MCF2: variants seen among roughly 807,000 people sequenced by gnomAD.
The protein encoded by MCF2 is proto-oncogene DBL.
In MCF2, 44 loss-of-function variants were observed where a neutral mutation model predicts 82.5. That is an observed-to-expected ratio of 0.53 (90% CI 0.42 to 0.69). The LOEUF is 0.69. Among genes scored for constraint, MCF2 ranks in the 30% least tolerant of loss-of-function variants. The probability of loss-of-function intolerance (pLI) is 0.00; values close to 1 mark genes in which losing one functional copy is unlikely to be tolerated. For synonymous variants in MCF2, 217 were observed against 224.9 expected (o/e 0.96, Z 0.32); for missense variants, 623 against 663.1 (o/e 0.94, Z 0.66).
chrX:139,697,395 C>T (rs1935404729), intron 1 of MCF2, among the ~76,000 whole-genome samples: 1 of 112,027 alleles, frequency 8.9e-6, no homozygotes, highest in African/African-American at 3.2e-5. Flanking sequence ...TATCCACCCA[C>T]TAGATTTTTC....
At chrX:139,594,773 A>G (rs1267780614) in intron 19 of MCF2, among the ~76,000 whole-genome samples, 1 of 110,044 alleles carries the variant, frequency 9.1e-6, no homozygotes, top group Non-Finnish European at 1.9e-5. Flanking sequence ...AGAAACTACC[A>G]TCAGAGTGAA....
chrX:139,591,895 G>T (rs1464365548), intron 19 of MCF2, among the ~76,000 whole-genome samples: 1 of 107,874 alleles, frequency 9.3e-6, no homozygotes, highest in Non-Finnish European at 1.9e-5. Context: ...TAAAATAAAA[G>T]TTAAAAAAAA....
chrX:139,678,000 T>C (rs889006942), intron 1 of MCF2, among the ~76,000 whole-genome samples: 6 of 110,851 alleles, frequency 5.4e-5, no homozygotes, highest in Non-Finnish European at 9.5e-5. Context: ...CCGTCTCTAC[T>C]AAAAATACAA....
At position 139,677,975 on chromosome X, in the gene MCF2, C is replaced by A. The variant is rs1490825697; in HGVS notation, c.-44-26187G>T. On this transcript the variant is annotated intron_variant, in intron 1 of 27. Coordinates refer to the MCF2 transcript ENST00000414978. The stretch of plus-strand genomic sequence containing the variant: ...GTCAGGAGTTCAAGGGCAGCTGGGC[C>A]GACACAGTGAAACTCCGTCTCTACT... Among the ~76,000 whole-genome samples the A allele has an allele frequency of 3.6e-5, 4 of 111,101 alleles. No individual in the cohort carries two copies. The Admixed American group carries it at 3.8e-4, about 11-fold the overall frequency.
chrX:139,659,297 A>T (rs1934291027), intron 1 of MCF2, among the ~76,000 whole-genome samples: 1 of 110,884 alleles, frequency 9.0e-6, no homozygotes, highest in Admixed American at 9.6e-5. Context: ...AAAAAAAAAT[A>T]AAAAATTTAA....
At chrX:139,604,749 T>C in exon 15 of MCF2, 1 of 1,190,729 alleles carries the variant, frequency 8.4e-7, no homozygotes, top group Non-Finnish European at 1.1e-6. Context: ...CTCAAGAAAA[T>C]GCTGTGAAAA....
intron 1 of MCF2, among the ~76,000 whole-genome samples, chrX:139,676,855 C>T (rs1934877793): frequency 8.9e-6 from 1 of 111,929 alleles, no homozygotes; most frequent in Non-Finnish European, 1.9e-5. Flanking sequence ...GCTAGTCAGA[C>T]ATGAGCAGGG....
At chrX:139,591,129 G>C (rs751263638) in intron 19 of MCF2, among the ~76,000 whole-genome samples, 73 of 111,338 alleles carry the variant, frequency 6.6e-4, no homozygotes, top group Non-Finnish European at 1.3e-3. Flanking sequence ...TTTGAAGTTA[G>C]AGAGGTCTGG....
intron 1 of MCF2, among the ~76,000 whole-genome samples, chrX:139,694,685 G>T (rs1935345956): frequency 9.0e-6 from 1 of 111,303 alleles, no homozygotes. Context: ...ATAATCAGAG[G>T]TTTTTGACAA....
intron 1 of MCF2, among the ~76,000 whole-genome samples, chrX:139,674,755 A>G (rs1934814975): frequency 1.8e-5 from 2 of 111,070 alleles, no homozygotes; most frequent in African/African-American, 6.5e-5. Context: ...TGCTCTTAAC[A>G]TTTTTTCCTT....
At chrX:139,602,274 G>A (rs746586729) in intron 16 of MCF2, 132 bp downstream of exon 20, 7 of 508,573 alleles carry the variant, frequency 1.4e-5, no homozygotes, top group African/African-American at 1.2e-4. Flanking sequence ...GGGGGGGAGG[G>A]TGGATTTGCT....
chrX:139,593,849 C>T (rs1390179697), intron 19 of MCF2, among the ~76,000 whole-genome samples: 2 of 110,988 alleles, frequency 1.8e-5, no homozygotes, highest in Non-Finnish European at 3.8e-5. Context: ...CCAAAATCTC[C>T]TTAAGCTGAT....
intron 2 of MCF2, among the ~76,000 whole-genome samples, chrX:139,650,729 G>T (rs1933973355): frequency 8.9e-6 from 1 of 112,054 alleles, no homozygotes; most frequent in African/African-American, 3.2e-5. Context: ...CTCTAAAAAT[G>T]GGTAATGCTA....
intron 1 of MCF2, among the ~76,000 whole-genome samples, chrX:139,705,572 A>G (rs1202728959): frequency 8.9e-6 from 1 of 112,547 alleles, no homozygotes; most frequent in Non-Finnish European, 1.9e-5. Context: ...CTAAAAATGG[A>G]TTAAAGATTT....
intron 1 of MCF2, among the ~76,000 whole-genome samples, chrX:139,671,117 A>G (rs943670654): frequency 8.9e-6 from 1 of 112,182 alleles, no homozygotes; most frequent in African/African-American, 3.2e-5. Context: ...TCTTCTTTTG[A>G]GAAGTGCCTG....
upstream of MCF2, among the ~76,000 whole-genome samples, chrX:139,645,308 T>C (rs772016192): frequency 5.4e-5 from 6 of 111,149 alleles, no homozygotes; most frequent in South Asian, 2.3e-3. Context: ...ACTTGCCTTG[T>C]CCTGAAAGGC....
upstream of MCF2, chrX:139,645,438 T>C (rs1933767840): frequency 5.1e-6 from 2 of 394,427 alleles, no homozygotes. Context: ...CCTCTCCTTC[T>C]ACTTTCCCTC....
intron 1 of MCF2, among the ~76,000 whole-genome samples, chrX:139,690,671 G>C (rs1303183470): frequency 6.3e-5 from 7 of 111,550 alleles, no homozygotes; most frequent in Non-Finnish European, 1.3e-4. Flanking sequence ...GCCTCCTTTA[G>C]ATTTGTGGAT....
intron 1 of MCF2, among the ~76,000 whole-genome samples, chrX:139,641,893 C>A (rs1933589948): frequency 9.0e-6 from 1 of 111,414 alleles, no homozygotes; most frequent in Non-Finnish European, 1.9e-5. Context: ...GAGTTACTGT[C>A]TTTTTCCCTA....
Sources: gnomAD v4.1 joint callset for allele counts (sites outside exome capture counted in the v4.1 genomes callset) on GRCh38, gnomAD v4.1.1 for gene constraint, MANE v1.5 for transcripts, NCBI Gene and HGNC (gene_info 2026-07-23, HGNC 2026-07-21) for gene names.